Variants in CCDC171 observed in about 807,000 individuals in gnomAD.
CCDC171 encodes the protein coiled-coil domain containing 171.
In CCDC171, 177 loss-of-function variants were observed where a neutral mutation model predicts 168.2. That is an observed-to-expected ratio of 1.05 (90% confidence interval 0.93 to 1.19). The LOEUF (loss-of-function observed/expected upper bound fraction) is 1.19. CCDC171 is among the 50% of genes most tolerant of loss of function. The pLI is 0.00. For synonymous variants in CCDC171, 687 were observed against 540.8 expected, an observed-to-expected ratio of 1.27 and a Z score of -3.75; for missense variants, 1,991 against 1,539.0, an observed-to-expected ratio of 1.29 and a Z score of -4.91.
downstream of CCDC171, chr9:16,061,752 C>A (rs1188037881): frequency 2.0e-5 from 3 of 152,184 alleles, no homozygotes; most frequent in African/African-American, 7.2e-5. Flanking sequence ...CCATACTTTT[C>A]ATCTCCATTT....
chr9:15,790,170 G>T (rs1273877153), intron 21 of CCDC171, among the ~76,000 whole-genome samples: 1 of 152,188 alleles, frequency 6.6e-6, no homozygotes, highest in Non-Finnish European at 1.5e-5. Flanking sequence ...TTGAGGAATT[G>T]CCGCATTGTC....
In CCDC171 at chr9:15,818,531, G is replaced by A. The variant is rs577860993; in HGVS notation, c.3268-28171G>A. Reference sequence around the variant, plus strand: ...CTGATGAAGCTGAAAACCACGGCACGAGAACTACGTGATAAATGCACAAGC... The same window carrying A: ...CTGATGAAGCTGAAAACCACGGCACAAGAACTACGTGATAAATGCACAAGC... On this transcript the variant is annotated intron_variant, in intron 21 of 25. Coordinates refer to ENST00000380701, the MANE Select transcript of CCDC171 (RefSeq NM_173550.4). Among the ~76,000 whole-genome samples the A allele has an allele frequency of 5.1e-5, 6 of 118,554 alleles. 1 individual carries two copies. Among genetic ancestry groups the A allele is most frequent in the Admixed American group, 1.6e-4 (2 of 12,548 alleles). The allele number at this position is 118,554 out of a possible 152,430, so 77.8% of individuals were successfully genotyped here. A position where few individuals can be genotyped will look rare whatever the true frequency, so the allele number is the denominator to read the frequency against.
At chr9:15,697,060 T>C (rs1023553393) in intron 11 of CCDC171, among the ~76,000 whole-genome samples, 11 of 152,214 alleles carry the variant, frequency 7.2e-5, no homozygotes, top group Non-Finnish European at 2.9e-5. Flanking sequence ...GGCTGCCTTC[T>C]GTGGATCTGG....
chr9:16,094,710 A>C, the CCDC171 span, among the ~76,000 whole-genome samples: 1 of 152,260 alleles, frequency 6.6e-6, no homozygotes, highest in Non-Finnish European at 1.5e-5. Flanking sequence ...CTACAAAACT[A>C]ATATTAAAGC....
intron 23 of CCDC171, among the ~76,000 whole-genome samples, chr9:15,853,646 GA>G (rs2061229446): frequency 6.6e-6 from 1 of 151,580 alleles, no homozygotes; most frequent in African/African-American, 2.4e-5. Context: ...TAGACATGTT[GA>G]GAGCAGACAT....
intron 9 of CCDC171, among the ~76,000 whole-genome samples, chr9:15,674,150 G>T (rs1399643770): frequency 6.6e-6 from 1 of 152,080 alleles, no homozygotes; most frequent in Non-Finnish European, 1.5e-5. Flanking sequence ...GGTGTTTATA[G>T]GTGTTTATAG....
At chr9:16,104,886 A>G in the CCDC171 span, among the ~76,000 whole-genome samples, 1 of 152,198 alleles carries the variant, frequency 6.6e-6, no homozygotes, top group Non-Finnish European at 1.5e-5. Context: ...AATCACAGAT[A>G]ACAATGTAAA....
intron 4 of CCDC171, among the ~76,000 whole-genome samples, chr9:15,587,903 G>C (rs1227358749): frequency 1.3e-5 from 2 of 152,130 alleles, no homozygotes. Context: ...CATCTATGAA[G>C]TAAGAACCAG....
chr9:15,766,754 C>A (rs1385170019), intron 18 of CCDC171, among the ~76,000 whole-genome samples: 1 of 152,090 alleles, frequency 6.6e-6, no homozygotes, highest in African/African-American at 2.4e-5. Flanking sequence ...TTTCTGGGCC[C>A]AAGGGATCCT....
In CCDC171 at chr9:15,973,739, G is replaced by C. The variant is rs983671974; in HGVS notation, c.*1903G>C. ...ACATTTCAGAACACCTTTCTCTGCT[G>C]TTCCAAACAATGATTAGGATATTGT... On this transcript the variant is annotated 3_prime_UTR_variant, in exon 26 of 26. Transcript: ENST00000380701. 6.6e-6 allele frequency: 1 copy of C among 152,128 alleles called. No individual in the cohort carries two copies. The highest frequency in any genetic ancestry group is 1.5e-5 in the Non-Finnish European group (1 of 68,014). The allele number at this position is 152,128 out of a possible 1,614,324, so 9.4% of individuals were successfully genotyped here.
chr9:15,890,571 A>G (rs1427612882), intron 24 of CCDC171, among the ~76,000 whole-genome samples: 1 of 151,510 alleles, frequency 6.6e-6, no homozygotes, highest in African/African-American at 2.4e-5. Context: ...GTGATACTGC[A>G]AATAAACTAT....
chr9:15,816,069 C>T (rs2059551390), intron 21 of CCDC171, among the ~76,000 whole-genome samples: 1 of 117,356 alleles, frequency 8.5e-6, no homozygotes, highest in Non-Finnish European at 1.9e-5. Flanking sequence ...AAAACATTCA[C>T]GTTTTGTGTT....
chr9:15,871,733 G>C (rs1184568), intron 23 of CCDC171, among the ~76,000 whole-genome samples: 130,529 of 151,888 alleles, frequency 0.86, 56,148 homozygotes, highest in East Asian at 0.96. Flanking sequence ...TCTCCCTGTT[G>C]ACACCTTGAA....
At chr9:15,733,534 C>T (rs139309105) in intron 16 of CCDC171, among the ~76,000 whole-genome samples, 4 of 148,670 alleles carry the variant, frequency 2.7e-5, no homozygotes, top group African/African-American at 7.4e-5. Context: ...ATTGAAATCA[C>T]TGTCCTTTAT....
chr9:15,617,250 C>G (rs555077052), intron 6 of CCDC171, among the ~76,000 whole-genome samples: 3 of 152,200 alleles, frequency 2.0e-5, no homozygotes, highest in South Asian at 4.2e-4. Flanking sequence ...TGCGATCATT[C>G]GGAGGAGAAA....
intron 13 of CCDC171, among the ~76,000 whole-genome samples, chr9:15,724,003 T>A (rs2053651093): frequency 1.3e-5 from 2 of 152,220 alleles, no homozygotes; most frequent in Admixed American, 1.3e-4. Flanking sequence ...TAATACCTTA[T>A]GAGATTCAAA....
chr9:15,921,049 A>G (rs1254889652), intron 25 of CCDC171, among the ~76,000 whole-genome samples: 1 of 151,776 alleles, frequency 6.6e-6, no homozygotes, highest in East Asian at 1.9e-4. Context: ...ATAAGTAAAC[A>G]TTTAAACTTT....
intron 7 of CCDC171, among the ~76,000 whole-genome samples, chr9:15,656,091 G>A (rs182912778): frequency 3.2e-4 from 49 of 152,210 alleles, no homozygotes; most frequent in African/African-American, 9.9e-4. Context: ...AGGCCGAGGC[G>A]GGCAGATCAC....
chr9:15,993,260 G>C (rs1281515686), intron 3 of CCDC171, among the ~76,000 whole-genome samples: 2 of 152,024 alleles, frequency 1.3e-5, no homozygotes, highest in Admixed American at 6.6e-5. Flanking sequence ...CAGACCAATG[G>C]AACAGAACAG....
Sources: gnomAD v4.1 joint callset for allele counts (sites outside exome capture counted in the v4.1 genomes callset) on GRCh38, gnomAD v4.1.1 for gene constraint, MANE v1.5 for transcripts, NCBI Gene and HGNC (gene_info 2026-07-23, HGNC 2026-07-21) for gene names.